GMPPA: variants seen among roughly 807,000 people sequenced by gnomAD.
GMPPA encodes the protein mannose-1-phosphate guanylyltransferase regulatory subunit alpha.
GMPPA carries 46 observed loss-of-function variants against 58.6 expected under a neutral mutation model. The ratio of observed to expected loss-of-function variants is 0.78; its 90% CI spans 0.62 to 1.00. The LOEUF is 1.00. GMPPA is among the 50% of genes least tolerant of loss of function. The pLI is 0.00. For missense variants in GMPPA, 468 were observed against 556.4 expected (o/e 0.84, Z 1.60); for synonymous variants, 211 against 214.9 (o/e 0.98, Z 0.16).
At chr2:219,501,385 T>A in intron 3 of GMPPA, 91 bp from the exon 4 acceptor site, 1 of 820,632 alleles carries the variant, frequency 1.2e-6, no homozygotes, top group East Asian at 2.4e-5. Context: ...AGACTGAAAC[T>A]GGTTTCTGGA....
In GMPPA at chr2:219,502,104, T is replaced by C. The variant is rs1163261975; in HGVS notation, c.429+67T>C. On this transcript the variant is annotated intron_variant, in intron 5 of 12. Transcript: ENST00000313597. This position sits in a 1 kb window ranked among gnomAD's most constrained non-coding sequence, Gnocchi z 4.0. ...CCCAAGAGCTTCCCGGAATTCAGGG[T>C]GTTGGGGAGGCAGGGGCGCCCCGGG... 3.3e-5 allele frequency: 51 copies of C among 1,541,974 alleles called. No homozygotes were observed. The highest frequency in any genetic ancestry group is 3.8e-5 in the Non-Finnish European group (43 of 1,124,586).
Position 219,506,317 on chromosome 2 carries a change from G to A in GMPPA, c.1057G>A (p.Val353Met), listed in dbSNP as rs754071645. 1.4e-5 allele frequency: 22 copies of A among 1,613,724 alleles called. No homozygotes were observed. The highest frequency in any genetic ancestry group is 5.0e-5 in the Admixed American group (3 of 59,990). ...GAGCACCGTGGGACGCTGGGCCCGC[G>A]TGGAGGGTACCCCCAGTGACCCTAA... The part of the protein sequence containing the change: ...WGSTVGRWAR[V>M]EGTPSDPNPN... The change falls in exon 12 of 13, where the codon GTG becomes ATG. Residue 353 changes from valine (V) to methionine (M), a missense_variant. Val to Met is a conservative substitution (Grantham distance 21). Coordinates refer to ENST00000313597, the MANE Select transcript of GMPPA (RefSeq NM_013335.4).
At chr2:219,505,825 G>A (rs1694567483) in intron 10 of GMPPA, 64 bp downstream of exon 10, 15 of 1,347,608 alleles carry the variant, frequency 1.1e-5, no homozygotes, top group Non-Finnish European at 1.5e-5. Flanking sequence ...GGGTGCCCAC[G>A]CTGCCTGAGT....
chr2:219,505,168 T>C (rs1694532813), intron 7 of GMPPA, 60 bp from the exon 8 acceptor site: 1 of 1,563,300 alleles, frequency 6.4e-7, no homozygotes, highest in Non-Finnish European at 8.8e-7. Context: ...GGAGACTGTG[T>C]TAGCCCCACA....
chr2:219,501,775 T>G (rs1192553873), intron 4 of GMPPA, 76 bp from the exon 5 acceptor site: 7 of 1,329,106 alleles, frequency 5.3e-6, no homozygotes, highest in Non-Finnish European at 7.5e-6. Flanking sequence ...GAGCAAGCGG[T>G]GGCGGTCAGG....
intron 4 of GMPPA, 22 bp from the exon 5 acceptor site, chr2:219,501,829 G>T (rs1432116049): frequency 6.8e-6 from 11 of 1,610,538 alleles, no homozygotes; most frequent in Non-Finnish European, 9.3e-6. Context: ...CACTGAGCTG[G>T]CTCTCGGGTC....
chr2:219,501,669 T>C (rs1694396199), intron 4 of GMPPA, 90 bp downstream of exon 4: 1 of 955,040 alleles, frequency 1.0e-6, no homozygotes, highest in Non-Finnish European at 1.7e-6. Flanking sequence ...TTTGCTGGAG[T>C]TCATCCTCGC....
chr2:219,501,977 G>A lies in GMPPA; in HGVS notation c.369G>A (p.Leu123=). The stretch of plus-strand genomic sequence containing the variant: ...CTGATGTCTGCTCCGACTTCCCCTT[G>A]AGTGCTATGTTGGAAGCCCACCGAC... The part of the protein sequence containing the change: ...LNADVCSDFP[L]SAMLEAHRRQ... Residue 123 remains leucine, a synonymous_variant, in exon 5 of 13, where the codon TTG becomes TTA. Coordinates refer to ENST00000313597, the MANE Select transcript of GMPPA (RefSeq NM_013335.4). 1 of 1,614,192 alleles carries A rather than the reference G, an allele frequency of 6.2e-7. No homozygotes were observed. Among genetic ancestry groups the A allele is most frequent in the African/African-American group, 1.3e-5 (1 of 75,042 alleles).
chr2:219,500,288 C>T, intron 3 of GMPPA, 70 bp downstream of exon 3: 1 of 855,028 alleles, frequency 1.2e-6, no homozygotes. Flanking sequence ...CCTTTCCCAA[C>T]CATGAACTCT....
intron 3 of GMPPA, 39 bp downstream of exon 3, chr2:219,500,257 C>A: frequency 9.2e-7 from 1 of 1,084,966 alleles, no homozygotes; most frequent in Non-Finnish European, 1.4e-6. Flanking sequence ...TCACTTCCTG[C>A]TTATCTTCAT....
At chr2:219,505,179 G>A in intron 7 of GMPPA, 49 bp from the exon 8 acceptor site, 1 of 1,596,204 alleles carries the variant, frequency 6.3e-7, no homozygotes, top group East Asian at 2.2e-5. Flanking sequence ...TAGCCCCACA[G>A]TCGGGGCTCA....
intron 10 of GMPPA, 80 bp from the exon 11 acceptor site, chr2:219,505,900 C>A: frequency 8.6e-7 from 1 of 1,159,534 alleles, no homozygotes; most frequent in Non-Finnish European, 1.2e-6. Flanking sequence ...TCACTTATGC[C>A]TTATCTGTTC....
chr2:219,502,917 G>A lies in GMPPA; in HGVS notation c.489+476G>A, dbSNP rs1308848818. 1.3e-5 allele frequency among the ~76,000 whole-genome samples: 2 copies of A among 152,146 alleles called. No homozygotes were observed. Among genetic ancestry groups the A allele is most frequent in the Non-Finnish European group, 2.9e-5 (2 of 68,026 alleles). ...GTTTTGTGAAACTCCCTTCTCCTAAGCCCCTTGACTTTCACATAACCCTCC... is the reference window on the plus strand; with the variant it reads ...GTTTTGTGAAACTCCCTTCTCCTAAACCCCTTGACTTTCACATAACCCTCC... On this transcript the variant is annotated intron_variant, in intron 6 of 12. Coordinates refer to ENST00000313597, the MANE Select transcript of GMPPA (RefSeq NM_013335.4). This position sits in a 1 kb window ranked among gnomAD's most constrained non-coding sequence, Gnocchi z 4.0.
In GMPPA at chr2:219,498,920, G is replaced by C. The variant is rs1186698383; in HGVS notation, c.-39G>C. 2.6e-5 allele frequency: 4 copies of C among 152,394 alleles called. No individual in the cohort carries two copies. The highest frequency in any genetic ancestry group is 9.6e-5 in the African/African-American group (4 of 41,478). The allele number at this position is 152,394 out of a possible 1,614,324, so 9.4% of individuals were successfully genotyped here. A position where few individuals can be genotyped will look rare whatever the true frequency, so the allele number is the denominator to read the frequency against. On this transcript the variant is annotated 5_prime_UTR_variant, in exon 1 of 13. Coordinates refer to ENST00000313597, the MANE Select transcript of GMPPA (RefSeq NM_013335.4). ...GCTTGCAGTAGCGGGCGGCAGAGCT[G>C]GAGTGAAGGGAGCTAGTGGTAAAGG...
At chr2:219,499,930 C>G in intron 1 of GMPPA, 26 bp from the exon 2 acceptor site, 1 of 1,592,246 alleles carries the variant, frequency 6.3e-7, no homozygotes, top group Non-Finnish European at 8.6e-7. Context: ...GAGATCTGAG[C>G]TTGATTTCTC....
Position 219,501,970 on chromosome 2 carries a change from T to C in GMPPA, c.362T>C (p.Phe121Ser). 1.2e-6 allele frequency: 2 copies of C among 1,614,180 alleles called. No homozygotes were observed. Among genetic ancestry groups the C allele is most frequent in the South Asian group, 2.2e-5 (2 of 91,072 alleles). Residue 121 changes from phenylalanine to serine, a missense_variant, in exon 5 of 13, where the codon TTC becomes TCC. Coordinates refer to ENST00000313597, the MANE Select transcript of GMPPA (RefSeq NM_013335.4). ...CTCAATGCTGATGTCTGCTCCGACT[T>C]CCCCTTGAGTGCTATGTTGGAAGCC... is the stretch of plus-strand genomic sequence containing the variant. ...FVLNADVCSDFPLSAMLEAHR... is the reference protein window; with the variant it reads ...FVLNADVCSDSPLSAMLEAHR...
intron 3 of GMPPA, chr2:219,501,038 C>G (rs1293875679): frequency 6.3e-6 from 1 of 158,724 alleles, no homozygotes; most frequent in Non-Finnish European, 1.4e-5. Context: ...TTGGCAACAT[C>G]AAGAGACCCC....
chr2:219,505,536 A>G lies in GMPPA; in HGVS notation c.834A>G (p.Pro278=), dbSNP rs1559448476. 1.9e-6 allele frequency: 3 copies of G among 1,568,078 alleles called. No homozygotes were observed. The highest frequency in any genetic ancestry group is 2.4e-5 in the East Asian group (1 of 42,494). Reference sequence around the variant, plus strand: ...CAGAACGGCTGGCCAAGCACACCCCAGGGGGCCCATGGATCCGAGGTACCC... The same window carrying G: ...CAGAACGGCTGGCCAAGCACACCCCGGGGGGCCCATGGATCCGAGGTACCC... The part of the protein sequence containing the change: ...THPERLAKHT[P]GGPWIRGNVY... The change falls in exon 9 of 13, where the codon CCA becomes CCG. Residue 278 remains proline (P), a synonymous_variant. Coordinates refer to ENST00000313597, the MANE Select transcript of GMPPA (RefSeq NM_013335.4).
intron 3 of GMPPA, 77 bp from the exon 4 acceptor site, chr2:219,501,399 T>TG: frequency 1.1e-6 from 1 of 936,128 alleles, no homozygotes. Context: ...TTCTGGACTT[T>TG]GGGCCAGCAC....
Sources: allele counts gnomAD v4.1 joint callset (sites outside exome capture counted in the v4.1 genomes callset), GRCh38; gene constraint gnomAD v4.1.1; non-coding constraint Gnocchi (gnomAD v3.1); transcripts MANE v1.5; gene names NCBI Gene and HGNC (gene_info 2026-07-23, HGNC 2026-07-21).